The following SMG6 variants were observed in gnomAD, a reference collection of about 807,000 sequenced individuals.
The protein encoded by SMG6 is telomerase-binding protein EST1A.
In SMG6, 66 loss-of-function variants were observed where a neutral mutation model predicts 142.2. That is an observed-to-expected ratio of 0.46 (90% CI 0.38 to 0.57). The LOEUF is 0.57. SMG6 is among the 20% of genes least tolerant of loss of function. The pLI is 0.00. For missense variants in SMG6, 1,793 were observed against 1,832.0 expected, an observed-to-expected ratio of 0.98 and a Z score of 0.39; for synonymous variants, 779 against 702.4, an observed-to-expected ratio of 1.11 and a Z score of -1.72.
chr17:2,288,502 G>C (rs1467963152), intron 6 of SMG6, among the ~76,000 whole-genome samples: 1 of 151,406 alleles, frequency 6.6e-6, no homozygotes, highest in Non-Finnish European at 1.5e-5. Flanking sequence ...TGCGCCTGTG[G>C]TCCCAGCTAC....
At chr17:2,190,100 T>C (rs1264621371) in intron 10 of SMG6, among the ~76,000 whole-genome samples, 5 of 152,120 alleles carry the variant, frequency 3.3e-5, no homozygotes, top group Admixed American at 2.6e-4. Flanking sequence ...ATATGTAAGT[T>C]GTCAAGAAAA....
intron 16 of SMG6, among the ~76,000 whole-genome samples, chr17:2,066,398 C>T (rs2067951023): frequency 6.7e-6 from 1 of 148,736 alleles, no homozygotes; most frequent in Non-Finnish European, 1.5e-5. Flanking sequence ...GTGTGCCTGT[C>T]TGCCTCCCTA....
intron 13 of SMG6, among the ~76,000 whole-genome samples, chr17:2,138,313 A>T (rs1259983206): frequency 1.3e-5 from 2 of 152,154 alleles, no homozygotes; most frequent in Non-Finnish European, 1.5e-5. Context: ...CAAGATAAAG[A>T]AGCCTGTCCC....
At chr17:2,204,389 T>A (rs1413768910) in intron 10 of SMG6, among the ~76,000 whole-genome samples, 1 of 152,192 alleles carries the variant, frequency 6.6e-6, no homozygotes, top group African/African-American at 2.4e-5. Flanking sequence ...TGCACATTCA[T>A]TTGACTCTGC....
chr17:2,286,649 C>CT (rs1555572836), intron 6 of SMG6, among the ~76,000 whole-genome samples: 2 of 152,046 alleles, frequency 1.3e-5, no homozygotes, highest in African/African-American at 2.4e-5. Flanking sequence ...GTCTAAAACT[C>CT]TAAGAAGAAA....
At chr17:2,130,250 G>A (rs2070067832) in intron 13 of SMG6, among the ~76,000 whole-genome samples, 1 of 58,114 alleles carries the variant, frequency 1.7e-5, no homozygotes, top group Non-Finnish European at 2.9e-5. Flanking sequence ...CTGGGCGACA[G>A]AGCGAGACTC....
At chr17:2,158,942 A>T (rs2071091767) in intron 13 of SMG6, among the ~76,000 whole-genome samples, 1 of 151,984 alleles carries the variant, frequency 6.6e-6, no homozygotes, top group Non-Finnish European at 1.5e-5. Context: ...GACCACGAGA[A>T]ATATTCACAG....
At position 2,085,686 on chromosome 17, in the gene SMG6, G is replaced by A. The variant is rs2068541504; in HGVS notation, c.3534+39C>T. 2.5e-6 allele frequency: 4 copies of A among 1,578,962 alleles called. No individual in the cohort carries two copies. The African/African-American group carries it at 4.1e-5, about 16-fold the overall frequency. On this transcript the variant is annotated intron_variant, in intron 14 of 18. Coordinates refer to ENST00000263073, the MANE Select transcript of SMG6 (RefSeq NM_017575.5). This position sits in a 1 kb window ranked among gnomAD's most constrained non-coding sequence, Gnocchi z 4.1. ...AAGCCACGAGCAGAATGGGGAGGGG[G>A]CCTTCCCTCTGCCACAGCGGGCTCT...
chr17:2,179,216 C>T (rs1253124812), intron 12 of SMG6, among the ~76,000 whole-genome samples: 4 of 152,170 alleles, frequency 2.6e-5, no homozygotes, highest in Non-Finnish European at 5.9e-5. Flanking sequence ...CCCACAGCCA[C>T]CACCACTTCC....
chr17:2,065,749 A>C (rs534901645), intron 16 of SMG6, 70 bp from the exon 17 acceptor site: 3 of 1,333,218 alleles, frequency 2.3e-6, no homozygotes, highest in Non-Finnish European at 3.1e-6. Flanking sequence ...CTGTCCATTC[A>C]CTTTCCCAGC....
intron 10 of SMG6, among the ~76,000 whole-genome samples, chr17:2,208,082 T>G (rs1387953263): frequency 6.6e-6 from 1 of 152,128 alleles, no homozygotes; most frequent in East Asian, 1.9e-4. Context: ...TGAGCAATGT[T>G]CGTGCCACCG....
At chr17:2,086,535 C>A (rs2068565663) in intron 13 of SMG6, among the ~76,000 whole-genome samples, 1 of 152,176 alleles carries the variant, frequency 6.6e-6, no homozygotes, top group Admixed American at 6.5e-5. Context: ...GGATGTTTCA[C>A]CAAAGCTATA....
At chr17:2,198,142 G>C (rs1206522296) in intron 10 of SMG6, among the ~76,000 whole-genome samples, 1 of 152,170 alleles carries the variant, frequency 6.6e-6, no homozygotes, top group African/African-American at 2.4e-5. Context: ...GGAATACAGG[G>C]AATACTACTC....
At chr17:2,164,589 C>T (rs528997516) in intron 13 of SMG6, among the ~76,000 whole-genome samples, 5 of 152,128 alleles carry the variant, frequency 3.3e-5, no homozygotes, top group Non-Finnish European at 5.9e-5. Flanking sequence ...GCCTGAGTGA[C>T]AGAGTAAGAG....
At chr17:2,173,353 A>G (rs140444843) in intron 12 of SMG6, among the ~76,000 whole-genome samples, 1 of 152,268 alleles carries the variant, frequency 6.6e-6, no homozygotes, top group African/African-American at 2.4e-5. Flanking sequence ...TCCTCCTACA[A>G]TGCTTTAGAA....
intron 13 of SMG6, chr17:2,087,230 GACGGAC>G: frequency 2.3e-6 from 3 of 1,289,926 alleles, no homozygotes; most frequent in Non-Finnish European, 3.0e-6. Context: ...TCACAGTAAA[GACGGAC>G]AGCCCAGGGA....
chr17:2,239,534 CAT>C (rs1164901784), intron 9 of SMG6, among the ~76,000 whole-genome samples: 2 of 151,304 alleles, frequency 1.3e-5, no homozygotes, highest in African/African-American at 4.9e-5. Flanking sequence ...AACTTCCAAA[CAT>C]ATTAAATGAA....
intron 13 of SMG6, among the ~76,000 whole-genome samples, chr17:2,100,669 G>A (rs752616489): frequency 1.3e-5 from 2 of 152,100 alleles, no homozygotes; most frequent in African/African-American, 2.4e-5. Flanking sequence ...TCAACCTATC[G>A]AGTAGCTGGG....
At chr17:2,216,774 GA>G (rs1266348101) in intron 10 of SMG6, among the ~76,000 whole-genome samples, 1 of 152,146 alleles carries the variant, frequency 6.6e-6, no homozygotes. Flanking sequence ...TACTCTAGTT[GA>G]GGGATTTATG....
Sources: gnomAD v4.1 joint callset for allele counts (sites outside exome capture counted in the v4.1 genomes callset) on GRCh38, gnomAD v4.1.1 for gene constraint, Gnocchi (gnomAD v3.1) non-coding constraint, MANE v1.5 for transcripts, NCBI Gene and HGNC (gene_info 2026-07-23, HGNC 2026-07-21) for gene names.